The following SPEN variants were observed in gnomAD, a reference collection of about 807,000 sequenced individuals.
SPEN encodes the protein spen family transcriptional repressor.
In SPEN, 18 loss-of-function variants were observed where a neutral mutation model predicts 269.9. That is an observed-to-expected ratio of 0.07 (90% CI 0.05 to 0.10). The LOEUF (loss-of-function observed/expected upper bound fraction) is 0.10, where lower values mean the gene tolerates loss of function less well. SPEN is among the 10% of genes least tolerant of loss of function. SPEN has a pLI of 1.00. For synonymous variants in SPEN, 1,726 were observed against 1,765.7 expected (o/e 0.98, Z 0.56); for missense variants, 3,822 against 4,631.2 (o/e 0.83, Z 5.07).
chr1:15,919,154 TA>T lies in SPEN; in HGVS notation c.1521+105del. On this transcript the variant is annotated intron_variant, in intron 7 of 14. Coordinates refer to ENST00000375759, the MANE Select transcript of SPEN (RefSeq NM_015001.3). ...TATGCCTTATTATTTAAGATCCTACTAAGACAGATAACCATAAAAGTGATAT... is the reference window on the plus strand; with the variant it reads ...TATGCCTTATTATTTAAGATCCTACTAGACAGATAACCATAAAAGTGATAT... 6.2e-6 allele frequency: 6 copies of T among 974,858 alleles called. No homozygotes were observed. The South Asian group carries it at 9.9e-5, about 16-fold the overall frequency. The allele number at this position is 974,858 out of a possible 1,614,324, so 60.4% of individuals were successfully genotyped here.
In SPEN at chr1:15,932,849, G is replaced by T. The variant is rs1313637691; in HGVS notation, c.6609G>T (p.Arg2203Ser). 6.2e-7 allele frequency: 1 copy of T among 1,614,232 alleles called. No individual in the cohort carries two copies. Among genetic ancestry groups the T allele is most frequent in the Non-Finnish European group, 8.5e-7 (1 of 1,180,042 alleles). ...DAPEGLAPEDRDKPAHQASET... is the reference protein window; with the variant it reads ...DAPEGLAPEDSDKPAHQASET... ...CAGAGGGCCTTGCCCCAGAGGACAG[G>T]GACAAGCCTGCACACCAAGCAAGTG... The change falls in exon 11 of 15, where the codon AGG becomes AGT. Residue 2203 changes from arginine to serine, a missense_variant. By Grantham distance (110) the Arg-to-Ser change is moderately radical. Coordinates refer to ENST00000375759, the MANE Select transcript of SPEN (RefSeq NM_015001.3). The surrounding 1 kb of genome is among the most constrained non-coding windows in gnomAD (Gnocchi z 4.2).
At chr1:15,924,297 C>G (rs906140335) in intron 10 of SPEN, among the ~76,000 whole-genome samples, 59 of 152,088 alleles carry the variant, frequency 3.9e-4, no homozygotes, top group African/African-American at 1.4e-3. Flanking sequence ...GAATTCTTAT[C>G]TATATGTGAG....
At chr1:15,902,646 C>A (rs1335534990) in intron 3 of SPEN, among the ~76,000 whole-genome samples, 1 of 151,760 alleles carries the variant, frequency 6.6e-6, no homozygotes, top group Admixed American at 6.6e-5. Context: ...CCCGTCTCTA[C>A]AAAAAATAAA....
chr1:15,848,151 G>T lies in SPEN; in HGVS notation c.83+1G>T. 6.8e-7 allele frequency: 1 copy of T among 1,477,778 alleles called. No individual in the cohort carries two copies. The allele number at this position is 1,477,778 out of a possible 1,614,324, so 91.5% of individuals were successfully genotyped here. ...AGAAGATCATCGAGCATTTCAAACG[G>T]TGAGTGACACGAGGCCCGCGGCCGC... On this transcript the variant is annotated splice_donor_variant, in intron 1 of 14. Transcript: ENST00000375759. LOFTEE classifies it high-confidence loss of function. This position sits in a 1 kb window ranked among gnomAD's most constrained non-coding sequence, Gnocchi z 5.1.
chr1:15,859,905 C>CTTTTTTTTTTTTTTTTTTTT, intron 1 of SPEN, among the ~76,000 whole-genome samples: 1 of 79,620 alleles, frequency 1.3e-5, no homozygotes, highest in Non-Finnish European at 2.1e-5. Context: ...CAGTTAACAT[C>CTTTTTTTTTTTTTTTTTTTT]TTTTTTTTTT....
At position 15,932,277 on chromosome 1, in the gene SPEN, G is replaced by A. The variant is rs766851755; in HGVS notation, c.6037G>A (p.Ala2013Thr). 1.4e-5 allele frequency: 22 copies of A among 1,608,686 alleles called. 1 individual carries two copies. Among genetic ancestry groups the A allele is most frequent in the Non-Finnish European group, 1.5e-5 (18 of 1,178,054 alleles). Residue 2013 changes from alanine to threonine, a missense_variant, in exon 11 of 15, where the codon GCC becomes ACC. Ala to Thr is a moderately conservative substitution (Grantham distance 58, BLOSUM62 0). This residue lies in a region of SPEN where 727 missense variants were observed against 737.9 expected (regional missense o/e 0.99). Transcript: ENST00000375759. The surrounding 1 kb of genome is among the most constrained non-coding windows in gnomAD (Gnocchi z 4.2). Reference sequence around the variant, plus strand: ...GAAGGTGGATGCTACACGTCCTGAGGCCACCACTGAGGTGGGCCCCCAAAT... The same window carrying A: ...GAAGGTGGATGCTACACGTCCTGAGACCACCACTGAGGTGGGCCCCCAAAT... ...EPKVDATRPE[A>T]TTEVGPQIGV... is the part of the protein sequence containing the mutation.
chr1:15,914,648 C>G (rs890740083), intron 5 of SPEN, among the ~76,000 whole-genome samples: 1 of 152,076 alleles, frequency 6.6e-6, no homozygotes, highest in Non-Finnish European at 1.5e-5. Flanking sequence ...CATGGCGAAA[C>G]CCCGTCTCTA....
At chr1:15,859,533 C>G (rs951077314) in intron 1 of SPEN, among the ~76,000 whole-genome samples, 1 of 151,588 alleles carries the variant, frequency 6.6e-6, no homozygotes, top group African/African-American at 2.4e-5. Flanking sequence ...CCACGCCCGG[C>G]TAATTTTTTG....
At chr1:15,914,620 C>G (rs1180482320) in intron 5 of SPEN, among the ~76,000 whole-genome samples, 1 of 151,958 alleles carries the variant, frequency 6.6e-6, no homozygotes, top group African/African-American at 2.4e-5. Context: ...GTCAGGAGTT[C>G]GAGAGTAGCC....
chr1:15,927,971 A>G (rs781516366), intron 10 of SPEN, 120 bp from the exon 11 acceptor site: 6 of 951,764 alleles, frequency 6.3e-6, no homozygotes, highest in Non-Finnish European at 9.2e-6. Flanking sequence ...ATCATTTCAC[A>G]AATGATTAAA....
chr1:15,869,121 A>G (rs1415874666), intron 1 of SPEN, among the ~76,000 whole-genome samples: 4 of 151,952 alleles, frequency 2.6e-5, no homozygotes, highest in Non-Finnish European at 4.4e-5. Flanking sequence ...CAGTGGCGCG[A>G]TCTCGGCTCA....
chr1:15,889,989 A>G (rs1181919234), intron 3 of SPEN, among the ~76,000 whole-genome samples: 1 of 152,198 alleles, frequency 6.6e-6, no homozygotes, highest in Non-Finnish European at 1.5e-5. Flanking sequence ...TGCTGGGATT[A>G]CAGGCATGAG....
intron 5 of SPEN, among the ~76,000 whole-genome samples, chr1:15,913,612 C>A (rs2071031515): frequency 6.6e-6 from 1 of 151,702 alleles, no homozygotes; most frequent in Non-Finnish European, 1.5e-5. Context: ...GCATGAGCCA[C>A]CATGCCTGAC....
At chr1:15,851,282 C>T (rs1389933706) in intron 1 of SPEN, among the ~76,000 whole-genome samples, 1 of 152,108 alleles carries the variant, frequency 6.6e-6, no homozygotes, top group African/African-American at 2.4e-5. Context: ...ATTGGCTTTT[C>T]TTTTCTTGCA....
rs2070631329 is a variant in SPEN, at chr1:15,876,454, C to T, written c.657C>T (p.Ile219=). The change falls in exon 3 of 15, where the codon ATC becomes ATT. Residue 219 remains isoleucine, a synonymous_variant. Transcript: ENST00000375759. The stretch of plus-strand genomic sequence containing the variant: ...TGCCCAGTGTGGTACACAGGGATAT[C>T]TACAGGGATGATATTACCCGGGAGG... ...FTLPSVVHRD[I]YRDDITREVR... is the part of the protein sequence containing the mutation. 1 of 1,613,972 alleles carries T rather than the reference C, an allele frequency of 6.2e-7. No individual in the cohort carries two copies. The highest frequency in any genetic ancestry group is 1.3e-5 in the African/African-American group (1 of 74,884).
intron 3 of SPEN, among the ~76,000 whole-genome samples, chr1:15,901,114 G>T (rs1557748982): frequency 6.6e-6 from 1 of 151,652 alleles, no homozygotes; most frequent in Non-Finnish European, 1.5e-5. Context: ...TTCTTCTAGG[G>T]TGACTGAGAC....
chr1:15,876,716 C>G, intron 3 of SPEN, 38 bp downstream of exon 3: 2 of 1,451,528 alleles, frequency 1.4e-6, no homozygotes, highest in Non-Finnish European at 9.6e-7. Context: ...GATGAGCTAG[C>G]TTTAAACAAA....
intron 3 of SPEN, among the ~76,000 whole-genome samples, chr1:15,896,962 TGTC>T (rs1415337355): frequency 1.3e-5 from 2 of 152,098 alleles, no homozygotes; most frequent in Non-Finnish European, 2.9e-5. Context: ...AGCGAGACCT[TGTC>T]GTGAAAGAAA....
Position 15,935,049 on chromosome 1 carries a change from A to G in SPEN, c.8809A>G (p.Asn2937Asp). Residue 2937 changes from asparagine (N) to aspartate (D), a missense_variant, in exon 11 of 15, where the codon AAC becomes GAC. This residue lies in a region of SPEN where 20 missense variants were observed against 60.7 expected (regional missense o/e 0.33). Transcript: ENST00000375759. The surrounding 1 kb of genome is among the most constrained non-coding windows in gnomAD (Gnocchi z 7.7). The stretch of plus-strand genomic sequence containing the variant: ...AGTGAAGGTTCTCACCCAGGGGATC[A>G]ACACACCCCCTGTGCTGGTTCACAA... ...GTVKVLTQGI[N>D]TPPVLVHNQL... is the part of the protein sequence containing the mutation. 6.2e-7 allele frequency: 1 copy of G among 1,613,950 alleles called. No homozygotes were observed. The highest frequency in any genetic ancestry group is 1.1e-5 in the South Asian group (1 of 91,064).
Sources: allele counts gnomAD v4.1 joint callset (sites outside exome capture counted in the v4.1 genomes callset), GRCh38; gene constraint gnomAD v4.1.1; regional missense constraint gnomAD v4.1.1; non-coding constraint Gnocchi (gnomAD v3.1); transcripts MANE v1.5; gene names NCBI Gene and HGNC (gene_info 2026-07-23, HGNC 2026-07-21).